Variants in GATB observed in about 807,000 individuals in gnomAD.
GATB encodes the protein glutamyl-tRNA amidotransferase subunit B.
Under a neutral mutation model 62.3 loss-of-function variants are expected in GATB, and 39 were observed. The ratio of observed to expected loss-of-function variants is 0.63; its 90% CI spans 0.48 to 0.82. The LOEUF is 0.82. GATB is among the 40% of genes least tolerant of loss of function. The probability of loss-of-function intolerance (pLI) is 0.00; values close to 1 mark genes in which losing one functional copy is unlikely to be tolerated. For missense variants in GATB, 670 were observed against 684.0 expected (o/e 0.98, Z 0.23); for synonymous variants, 276 against 258.9 (o/e 1.07, Z -0.63).
intron 7 of GATB, among the ~76,000 whole-genome samples, chr4:151,704,532 C>T (rs537887984): frequency 6.6e-6 from 1 of 151,950 alleles, no homozygotes; most frequent in Non-Finnish European, 1.5e-5. Flanking sequence ...CGGCTCACTG[C>T]AAGCTCCGCC....
In GATB at chr4:151,671,293, C is replaced by A; in HGVS notation, c.1555G>T (p.Val519Leu). The A allele has an allele frequency of 6.2e-7, 1 of 1,602,830 alleles. No homozygotes were observed. Among genetic ancestry groups the A allele is most frequent in the South Asian group, 1.1e-5 (1 of 90,476 alleles). Residue 519 changes from valine (V) to leucine (L), a missense_variant, in exon 13 of 13, where the codon GTG becomes TTG. Val to Leu is a conservative substitution (Grantham distance 32). Coordinates refer to ENST00000263985, the MANE Select transcript of GATB (RefSeq NM_004564.3). ...ATAGCTCTGGGGTTTCTGTTCTTCA[C>A]ATCCATTACCTAGAAGGACAGAAAT... ...MEAHPQVVMD[V>L]KNRNPRAINK... is the part of the protein sequence containing the mutation.
intron 9 of GATB, among the ~76,000 whole-genome samples, chr4:151,697,901 AAAAC>A (rs1282784641): frequency 1.4e-5 from 2 of 144,498 alleles, no homozygotes; most frequent in East Asian, 2.0e-4. Flanking sequence ...CTCCGTCTCA[AAAAC>A]AAACAAACAA....
At chr4:151,722,538 T>C (rs1243899682) in intron 2 of GATB, 3 of 305,982 alleles carry the variant, frequency 9.8e-6, no homozygotes, top group Non-Finnish European at 1.2e-5. Flanking sequence ...GTAGTTCCTC[T>C]GTGCAAACCG....
In GATB at chr4:151,719,483, C is replaced by T. The variant is rs1738984355; in HGVS notation, c.383G>A (p.Cys128Tyr). ...AAVMTGLALN[C>Y]HINKKSLFDR... ...AAACAAGGACTTCTTGTTTATGTGG[C>T]AGTTCAGAGCCAGGCCTGTCATCAC... The change falls in exon 3 of 13, where the codon TGC becomes TAC. Residue 128 changes from cysteine (C) to tyrosine (Y), a missense_variant. By Grantham distance (194) the Cys-to-Tyr change is radical. Coordinates refer to ENST00000263985, the MANE Select transcript of GATB (RefSeq NM_004564.3). 13 of 1,611,850 alleles carry T rather than the reference C, an allele frequency of 8.1e-6. No homozygotes were observed. The highest frequency in any genetic ancestry group is 1.1e-5 in the Non-Finnish European group (13 of 1,179,048).
intron 9 of GATB, among the ~76,000 whole-genome samples, chr4:151,695,191 T>C (rs1738444056): frequency 6.6e-6 from 1 of 152,178 alleles, no homozygotes; most frequent in Non-Finnish European, 1.5e-5. Context: ...CGTTGCTTGG[T>C]GTCAACACTC....
At chr4:151,683,557 C>T (rs1218076590) in intron 10 of GATB, among the ~76,000 whole-genome samples, 2 of 152,174 alleles carry the variant, frequency 1.3e-5, no homozygotes, top group Non-Finnish European at 1.5e-5. Context: ...GGTCCTGTTT[C>T]TCTCCCTGGT....
chr4:151,679,132 G>A (rs1313266879), intron 11 of GATB, among the ~76,000 whole-genome samples: 2 of 152,166 alleles, frequency 1.3e-5, no homozygotes, highest in East Asian at 3.9e-4. Context: ...CTGACCTCGT[G>A]ATCCACCCGC....
At chr4:151,759,017 T>A in intron 1 of GATB, 95 bp from the exon 2 acceptor site, 1 of 805,708 alleles carries the variant, frequency 1.2e-6, no homozygotes, top group Non-Finnish European at 1.9e-6. Flanking sequence ...TTCCTATATG[T>A]GTTTTAAACT....
At chr4:151,749,986 A>G (rs905352372) in intron 2 of GATB, among the ~76,000 whole-genome samples, 10 of 151,942 alleles carry the variant, frequency 6.6e-5, no homozygotes, top group Non-Finnish European at 1.5e-4. Flanking sequence ...GGTTCACACC[A>G]TTCTCCTGCC....
At chr4:151,688,555 T>C (rs1738298274) in intron 10 of GATB, 75 bp downstream of exon 10, 2 of 1,473,810 alleles carry the variant, frequency 1.4e-6, no homozygotes, top group Non-Finnish European at 1.8e-6. Context: ...AGCAAAAAAA[T>C]GGACCTGCCC....
intron 10 of GATB, among the ~76,000 whole-genome samples, chr4:151,682,224 GTCA>G (rs778375029): frequency 7.7e-4 from 117 of 152,182 alleles, no homozygotes; most frequent in Non-Finnish European, 1.5e-3. Context: ...CACACAGTAG[GTCA>G]TCATATTTGT....
chr4:151,685,865 T>A (rs1738232284), intron 10 of GATB, among the ~76,000 whole-genome samples: 1 of 149,750 alleles, frequency 6.7e-6, no homozygotes. Flanking sequence ...CTGCCCAACA[T>A]GGTGAAACCC....
At chr4:151,672,415 C>G (rs1246683282) in intron 12 of GATB, among the ~76,000 whole-genome samples, 2 of 152,190 alleles carry the variant, frequency 1.3e-5, no homozygotes, top group African/African-American at 4.8e-5. Context: ...GGAAGTAGCG[C>G]TAACCACAAC....
chr4:151,693,349 C>T (rs1372007006), intron 9 of GATB, among the ~76,000 whole-genome samples: 3 of 152,154 alleles, frequency 2.0e-5, no homozygotes, highest in Non-Finnish European at 4.4e-5. Flanking sequence ...GGAATCGGTG[C>T]CCCTTCTGCT....
intron 2 of GATB, among the ~76,000 whole-genome samples, chr4:151,736,793 C>A (rs1287153587): frequency 1.3e-5 from 2 of 152,138 alleles, no homozygotes; most frequent in Non-Finnish European, 2.9e-5. Context: ...GTGCTGTTCT[C>A]GTGATAGAGA....
intron 2 of GATB, among the ~76,000 whole-genome samples, chr4:151,736,598 C>T (rs980508997): frequency 1.1e-4 from 16 of 152,190 alleles, no homozygotes; most frequent in Admixed American, 3.3e-4. Context: ...ACTGCCACTC[C>T]CAGCCCAACT....
At chr4:151,679,612 G>A (rs1223101533) in intron 11 of GATB, among the ~76,000 whole-genome samples, 3 of 152,198 alleles carry the variant, frequency 2.0e-5, no homozygotes, top group African/African-American at 4.8e-5. Flanking sequence ...CGGTGATGAC[G>A]AGAAGCAAAC....
At chr4:151,687,885 G>A (rs1169141618) in intron 10 of GATB, among the ~76,000 whole-genome samples, 1 of 152,184 alleles carries the variant, frequency 6.6e-6, no homozygotes, top group Non-Finnish European at 1.5e-5. Flanking sequence ...AAGACATGTT[G>A]CTGAAGCCAC....
In GATB at chr4:151,716,126, C is replaced by T. The variant is rs760313567; in HGVS notation, c.646G>A (p.Gly216Ser). The change falls in exon 5 of 13, where the codon GGC becomes AGC. Residue 216 changes from glycine to serine, a missense_variant. Gly to Ser is a moderately conservative substitution (Grantham distance 56, BLOSUM62 0). Coordinates refer to ENST00000263985, the MANE Select transcript of GATB (RefSeq NM_004564.3). ...TLIDLNRAGV[G>S]LLEVVLEPDM... The stretch of plus-strand genomic sequence containing the variant: ...GGCTCCAGGACCACCTCCAGAAGGC[C>T]CACTCCTACCAAAGAGGGGCAGAGT... 9.3e-6 allele frequency: 15 copies of T among 1,612,776 alleles called. No individual in the cohort carries two copies. Among genetic ancestry groups the T allele is most frequent in the Non-Finnish European group, 1.3e-5 (15 of 1,179,444 alleles).
Sources: allele counts gnomAD v4.1 joint callset (sites outside exome capture counted in the v4.1 genomes callset), GRCh38; gene constraint gnomAD v4.1.1; transcripts MANE v1.5; gene names NCBI Gene and HGNC (gene_info 2026-07-23, HGNC 2026-07-21).